The following RGS7 variants were observed in gnomAD, a reference collection of about 807,000 sequenced individuals.
RGS7 encodes the protein regulator of G protein signaling 7.
In RGS7, 27 loss-of-function variants were observed where a neutral mutation model predicts 81.1. That is an observed-to-expected ratio of 0.33 (90% confidence interval 0.25 to 0.46). The LOEUF (loss-of-function observed/expected upper bound fraction) is 0.46. Ranked by LOEUF, RGS7 falls within the 20% of genes least tolerant of loss-of-function variation. The pLI is 1.00. For missense variants in RGS7, 396 were observed against 607.4 expected (o/e 0.65, Z 3.66); for synonymous variants, 208 against 207.7 (o/e 1.00, Z -0.01).
intron 9 of RGS7, among the ~76,000 whole-genome samples, chr1:240,827,864 CA>C (rs57562408): frequency 0.048 from 2,534 of 52,904 alleles, 65 homozygotes; most frequent in African/African-American, 0.12. Context: ...AACTCCATTG[CA>C]AAAAAAAAAA....
intron 2 of RGS7, among the ~76,000 whole-genome samples, chr1:241,266,924 C>T (rs2077621687): frequency 6.6e-6 from 1 of 152,084 alleles, no homozygotes; most frequent in Admixed American, 6.5e-5. Context: ...CTTACAAGAC[C>T]AATCCTATAA....
chr1:240,864,378 G>T (rs1662836407), intron 9 of RGS7, among the ~76,000 whole-genome samples: 2 of 152,122 alleles, frequency 1.3e-5, no homozygotes, highest in African/African-American at 4.8e-5. Context: ...TCATTGCATT[G>T]GCAGATGGCT....
At chr1:241,315,893 C>A (rs1196488390) in intron 2 of RGS7, among the ~76,000 whole-genome samples, 1 of 152,196 alleles carries the variant, frequency 6.6e-6, no homozygotes, top group Non-Finnish European at 1.5e-5. Context: ...TATTATTAGG[C>A]ATTTTTATCA....
At chr1:240,781,522 G>A (rs1303794673) in intron 18 of RGS7, among the ~76,000 whole-genome samples, 4 of 152,066 alleles carry the variant, frequency 2.6e-5, no homozygotes, top group Admixed American at 6.6e-5. Context: ...AGGGAGAATC[G>A]CTTGAACCCA....
At chr1:241,302,267 CG>C (rs1241796681) in intron 2 of RGS7, among the ~76,000 whole-genome samples, 1 of 150,974 alleles carries the variant, frequency 6.6e-6, no homozygotes, top group East Asian at 1.9e-4. Flanking sequence ...TGGCTTCGGC[CG>C]GCCGGGCGCG....
At chr1:240,957,553 G>A (rs756497317) in intron 4 of RGS7, among the ~76,000 whole-genome samples, 1 of 152,162 alleles carries the variant, frequency 6.6e-6, no homozygotes, top group African/African-American at 2.4e-5. Context: ...CAAGAGGCAT[G>A]ACAACTAAAT....
chr1:241,037,447 C>T (rs1041620946), intron 3 of RGS7, among the ~76,000 whole-genome samples: 3 of 151,970 alleles, frequency 2.0e-5, no homozygotes, highest in African/African-American at 7.3e-5. Flanking sequence ...GAGGCCGGGC[C>T]CAGTGGCTCA....
intron 18 of RGS7, among the ~76,000 whole-genome samples, chr1:240,798,063 T>C (rs943928114): frequency 4.6e-5 from 7 of 152,206 alleles, no homozygotes; most frequent in South Asian, 2.1e-4. Context: ...CTGGAAGATA[T>C]TGGTGAAGGT....
At chr1:241,280,503 G>A (rs899061228) in intron 2 of RGS7, among the ~76,000 whole-genome samples, 14 of 152,282 alleles carry the variant, frequency 9.2e-5, no homozygotes, top group Middle Eastern at 6.8e-3. Context: ...CAAGTTTTTG[G>A]TCTTTGTTTT....
intron 6 of RGS7, among the ~76,000 whole-genome samples, chr1:240,923,412 G>C (rs986836671): frequency 6.6e-6 from 1 of 152,008 alleles, no homozygotes; most frequent in Non-Finnish European, 1.5e-5. Flanking sequence ...GGAACGTATA[G>C]GTGGTACTGA....
chr1:241,095,715 A>G (rs2064197571), intron 3 of RGS7, among the ~76,000 whole-genome samples: 1 of 152,182 alleles, frequency 6.6e-6, no homozygotes, highest in African/African-American at 2.4e-5. Context: ...AATGATAAAC[A>G]TTTATCCTTT....
intron 6 of RGS7, 27 bp downstream of exon 6, chr1:240,930,690 A>T: frequency 6.2e-7 from 1 of 1,608,450 alleles, no homozygotes; most frequent in South Asian, 1.1e-5. Flanking sequence ...GGCTGTCAAT[A>T]ATAAAATAAT....
intron 2 of RGS7, among the ~76,000 whole-genome samples, chr1:241,260,295 T>C (rs1033517494): frequency 3.9e-5 from 6 of 152,372 alleles, no homozygotes; most frequent in African/African-American, 1.4e-4. Context: ...CTCAATAGTA[T>C]TCTTGTGATC....
intron 2 of RGS7, among the ~76,000 whole-genome samples, chr1:241,347,345 A>G (rs1312170065): frequency 6.6e-6 from 1 of 152,194 alleles, no homozygotes. Context: ...TGGGGTGAGA[A>G]TTCACATCCA....
chr1:241,241,592 T>G (rs1298750474), intron 2 of RGS7, among the ~76,000 whole-genome samples: 1 of 152,036 alleles, frequency 6.6e-6, no homozygotes, highest in East Asian at 2.0e-4. Context: ...CATGGAATAG[T>G]AACCAGAGCT....
At chr1:240,787,906 T>C (rs922925057) in intron 18 of RGS7, among the ~76,000 whole-genome samples, 3 of 152,180 alleles carry the variant, frequency 2.0e-5, no homozygotes, top group Admixed American at 1.3e-4. Flanking sequence ...TTGCTCTGGT[T>C]GGGGGAAGTT....
intron 2 of RGS7, among the ~76,000 whole-genome samples, chr1:241,345,883 G>A (rs2082865227): frequency 6.7e-6 from 1 of 150,150 alleles, no homozygotes; most frequent in Non-Finnish European, 1.5e-5. Context: ...AGGCATGGTG[G>A]TGCGCGCCTG....
intron 6 of RGS7, among the ~76,000 whole-genome samples, chr1:240,876,766 G>A (rs570521152): frequency 6.6e-6 from 1 of 152,072 alleles, no homozygotes; most frequent in Admixed American, 6.6e-5. Flanking sequence ...TTTAAGACCA[G>A]CCTGGATAAC....
At chr1:241,079,340 G>A (rs1368748600) in intron 3 of RGS7, among the ~76,000 whole-genome samples, 1 of 152,150 alleles carries the variant, frequency 6.6e-6, no homozygotes, top group South Asian at 2.1e-4. Context: ...TACTAAAGAG[G>A]ACGCAAATTG....
Sources: allele counts gnomAD v4.1 joint callset (sites outside exome capture counted in the v4.1 genomes callset), GRCh38; gene constraint gnomAD v4.1.1; transcripts MANE v1.5; gene names NCBI Gene and HGNC (gene_info 2026-07-23, HGNC 2026-07-21).